The following CREBL2 variants were observed in gnomAD, a reference collection of about 807,000 sequenced individuals.
The protein encoded by CREBL2 is cAMP-responsive element-binding protein-like 2.
Under a neutral mutation model 19.5 loss-of-function variants are expected in CREBL2, and 4 were observed. The ratio of observed to expected loss-of-function variants is 0.20; its 90% CI spans 0.10 to 0.47. The LOEUF (loss-of-function observed/expected upper bound fraction) is 0.47. Ranked by LOEUF, CREBL2 falls within the 20% of genes least tolerant of loss-of-function variation. CREBL2 has a pLI of 0.98. For missense variants in CREBL2, 85 were observed against 145.1 expected, an observed-to-expected ratio of 0.59 and a Z score of 2.13; for synonymous variants, 42 against 46.6, an observed-to-expected ratio of 0.90 and a Z score of 0.40.
chr12:12,639,533 C>T (rs1344922299), intron 3 of CREBL2, among the ~76,000 whole-genome samples: 1 of 152,144 alleles, frequency 6.6e-6, no homozygotes, highest in Non-Finnish European at 1.5e-5. Flanking sequence ...GTTTGCATTT[C>T]CCTAATGCCT....
intron 1 of CREBL2, among the ~76,000 whole-genome samples, chr12:12,624,383 A>G (rs932270329): frequency 6.6e-6 from 1 of 152,192 alleles, no homozygotes; most frequent in Non-Finnish European, 1.5e-5. Flanking sequence ...CTGGGAACCT[A>G]TTGTAACAAC....
intron 1 of CREBL2, among the ~76,000 whole-genome samples, chr12:12,613,681 C>T (rs894352504): frequency 3.9e-5 from 6 of 152,116 alleles, no homozygotes; most frequent in African/African-American, 1.4e-4. Context: ...AGAAGGGGGG[C>T]GAGTTTCAGG....
intron 1 of CREBL2, among the ~76,000 whole-genome samples, chr12:12,617,132 A>G (rs1407694093): frequency 2.0e-5 from 3 of 152,222 alleles, no homozygotes; most frequent in African/African-American, 4.8e-5. Context: ...TTGCCTCCCA[A>G]GTTTCTAGCA....
rs869253910 is a variant in CREBL2, at chr12:12,632,068, C to CTTTTTTTTTTTTTTTT, written c.16-3697_16-3682dup. Among the ~76,000 whole-genome samples, 100 of 80,628 alleles carry CTTTTTTTTTTTTTTTT rather than the reference C, an allele frequency of 1.2e-3. 9 individuals carry two copies. Among genetic ancestry groups the CTTTTTTTTTTTTTTTT allele is most frequent in the African/African-American group, 4.9e-3 (95 of 19,410 alleles). The allele number at this position is 80,628 out of a possible 152,430, so 52.9% of individuals were successfully genotyped here. A position where few individuals can be genotyped will look rare whatever the true frequency, so the allele number is the denominator to read the frequency against. ...CCTTGGATTCATATACTATGCCTTT[C>CTTTTTTTTTTTTTTTT]TTTTTTTTTTTTTTTTTTTTTTTTT... On this transcript the variant is annotated intron_variant, in intron 1 of 3. Transcript: ENST00000228865.
At chr12:12,639,631 T>G (rs1036632361) in intron 3 of CREBL2, among the ~76,000 whole-genome samples, 1 of 151,206 alleles carries the variant, frequency 6.6e-6, no homozygotes, top group Non-Finnish European at 1.5e-5. Flanking sequence ...ATGTTTTAAT[T>G]AGGTTGTTTT....
intron 3 of CREBL2, among the ~76,000 whole-genome samples, chr12:12,641,373 T>C (rs1004646021): frequency 8.0e-5 from 12 of 150,658 alleles, no homozygotes; most frequent in African/African-American, 2.9e-4. Context: ...AGTGGCACGA[T>C]CTTGGCTCAC....
chr12:12,635,824 A>C lies in CREBL2; in HGVS notation c.63A>C (p.Pro21=). 1 of 1,613,944 alleles carries C rather than the reference A, an allele frequency of 6.2e-7. No individual in the cohort carries two copies. The highest frequency in any genetic ancestry group is 1.1e-5 in the South Asian group (1 of 91,016). Residue 21 remains proline (P), a synonymous_variant, in exon 2 of 4, where the codon CCA becomes CCC. Transcript: ENST00000228865. ...VKKPGKRGRK[P]AKIDLKAKLE... ...AGCCCGGTAAACGTGGTCGGAAGCC[A>C]GCCAAAATTGACTTGAAAGCAAAAC...
At chr12:12,641,293 A>T (rs1945519839) in intron 3 of CREBL2, among the ~76,000 whole-genome samples, 1 of 110,988 alleles carries the variant, frequency 9.0e-6, no homozygotes, top group Admixed American at 1.1e-4. Flanking sequence ...AACCTCTGGG[A>T]GCACAGAACA....
chr12:12,612,773 C>G (rs1945278381), intron 1 of CREBL2, among the ~76,000 whole-genome samples: 1 of 152,178 alleles, frequency 6.6e-6, no homozygotes, highest in South Asian at 2.1e-4. Flanking sequence ...CCATCACCAT[C>G]CAATTTCCCT....
At position 12,636,061 on chromosome 12, in the gene CREBL2, C is replaced by G. The variant is rs1210549396; in HGVS notation, c.213+87C>G. ...AAAATACGAAAATACCAGTTATCAC[C>G]TGTCCAGTTGGCAAACATTGGAGAG... On this transcript the variant is annotated intron_variant, in intron 2 of 3. Transcript: ENST00000228865. 26 of 1,251,832 alleles carry G rather than the reference C, an allele frequency of 2.1e-5. No individual in the cohort carries two copies. In the East Asian group the frequency reaches 6.0e-4, roughly 29 times the overall value. 77.5% of individuals were successfully genotyped at this position (1,251,832 alleles called of 1,614,324 possible). A position where few individuals can be genotyped will look rare whatever the true frequency, so the allele number is the denominator to read the frequency against.
chr12:12,642,992 C>G lies in CREBL2; in HGVS notation c.*994C>G, dbSNP rs987032994. 4 of 152,380 alleles carry G rather than the reference C, an allele frequency of 2.6e-5. No individual in the cohort carries two copies. The highest frequency in any genetic ancestry group is 9.7e-5 in the African/African-American group (4 of 41,360). The allele number at this position is 152,380 out of a possible 1,614,324, so 9.4% of individuals were successfully genotyped here. A position where few individuals can be genotyped will look rare whatever the true frequency, so the allele number is the denominator to read the frequency against. On this transcript the variant is annotated 3_prime_UTR_variant, in exon 4 of 4. Coordinates refer to ENST00000228865, the MANE Select transcript of CREBL2 (RefSeq NM_001310.4). ...TGAGTTTCTGCCTTAAAATCTGAAA[C>G]AAAAAAAGGGACAAATTGCTGGTAG...
intron 2 of CREBL2, 84 bp from the exon 3 acceptor site, chr12:12,637,486 A>G: frequency 1.1e-6 from 1 of 907,474 alleles, no homozygotes; most frequent in Non-Finnish European, 1.4e-6. Flanking sequence ...GATTTCTACC[A>G]GTGGTTCCTG....
chr12:12,631,684 A>T (rs1424890695), intron 1 of CREBL2, among the ~76,000 whole-genome samples: 1 of 152,226 alleles, frequency 6.6e-6, no homozygotes, highest in Non-Finnish European at 1.5e-5. Context: ...CTTGGTTCCT[A>T]ATTAACGCCC....
intron 1 of CREBL2, among the ~76,000 whole-genome samples, chr12:12,618,991 A>G (rs1466584486): frequency 6.6e-6 from 1 of 152,122 alleles, no homozygotes; most frequent in East Asian, 1.9e-4. Flanking sequence ...TGGCGGCAGT[A>G]CAGTCCAGCC....
intron 1 of CREBL2, chr12:12,614,851 G>T: frequency 1.0e-5 from 3 of 289,698 alleles, no homozygotes; most frequent in East Asian, 1.0e-4. Context: ...GATTTGTAGG[G>T]CATTAGTTTT....
chr12:12,612,099 G>A lies in CREBL2; in HGVS notation c.-74G>A. On this transcript the variant is annotated 5_prime_UTR_variant, in exon 1 of 4. Transcript: ENST00000228865. Reference sequence around the variant, plus strand: ...ATATCCCCTTCTTCCTCGGGGCGGGGGCCGGGCCAGGCCGGCTGAGCCGGG... The same window carrying A: ...ATATCCCCTTCTTCCTCGGGGCGGGAGCCGGGCCAGGCCGGCTGAGCCGGG... The A allele has an allele frequency of 6.3e-7, 1 of 1,579,974 alleles. No homozygotes were observed. The highest frequency in any genetic ancestry group is 8.6e-7 in the Non-Finnish European group (1 of 1,158,166).
chr12:12,612,156 C>T lies in CREBL2; in HGVS notation c.-17C>T. Reference sequence around the variant, plus strand: ...CTCCGGGAGGGAGTGCCTGGCCAGGCCGGCCTGTCTGCCGCGATGGATGAC... The same window carrying T: ...CTCCGGGAGGGAGTGCCTGGCCAGGTCGGCCTGTCTGCCGCGATGGATGAC... On this transcript the variant is annotated 5_prime_UTR_variant, in exon 1 of 4. Transcript: ENST00000228865. 6.2e-7 allele frequency: 1 copy of T among 1,612,010 alleles called. No homozygotes were observed.
Position 12,637,555 on chromosome 12 carries a change from T to A in CREBL2, c.214-15T>A, listed in dbSNP as rs749701079. On this transcript the variant is annotated splice_polypyrimidine_tract_variant and intron_variant, in intron 2 of 3. Coordinates refer to ENST00000228865, the MANE Select transcript of CREBL2 (RefSeq NM_001310.4). ...TTTAAATTTATATTTATATTTAAAA[T>A]TAAATATGTTTCAGTACAAGCAGTG... 2.3e-6 allele frequency: 3 copies of A among 1,333,034 alleles called. No homozygotes were observed. Among genetic ancestry groups the A allele is most frequent in the Non-Finnish European group, 2.9e-6 (3 of 1,032,404 alleles). 82.6% of individuals were successfully genotyped at this position (1,333,034 alleles called of 1,614,324 possible). A position where few individuals can be genotyped will look rare whatever the true frequency, so the allele number is the denominator to read the frequency against.
At chr12:12,633,195 C>T (rs958409748) in intron 1 of CREBL2, among the ~76,000 whole-genome samples, 2 of 152,096 alleles carry the variant, frequency 1.3e-5, no homozygotes, top group African/African-American at 4.8e-5. Context: ...CCTCAGCCTC[C>T]CAAAGTGTTG....
Sources: gnomAD v4.1 joint callset for allele counts (sites outside exome capture counted in the v4.1 genomes callset) on GRCh38, gnomAD v4.1.1 for gene constraint, MANE v1.5 for transcripts, NCBI Gene and HGNC (gene_info 2026-07-23, HGNC 2026-07-21) for gene names.